Variants in TMTC1 observed in about 807,000 individuals in gnomAD.
TMTC1 encodes transmembrane O-mannosyltransferase targeting cadherins 1.
A neutral mutation model predicts 104.8 loss-of-function variants in TMTC1; 73 were observed. The ratio of observed to expected loss-of-function variants is 0.70; its 90% confidence interval spans 0.58 to 0.85. The LOEUF (loss-of-function observed/expected upper bound fraction) is 0.85, where lower values mean the gene tolerates loss of function less well. Among genes scored for constraint, TMTC1 ranks in the 40% least tolerant of loss-of-function variants. TMTC1 has a pLI of 0.00. For synonymous variants in TMTC1, 434 were observed against 428.7 expected, an observed-to-expected ratio of 1.01 and a Z score of -0.15; for missense variants, 1,035 against 1,096.1, an observed-to-expected ratio of 0.94 and a Z score of 0.79.
At chr12:29,646,186 C>T (rs74555676) in intron 5 of TMTC1, among the ~76,000 whole-genome samples, 6,295 of 152,276 alleles carry the variant, frequency 0.041, 170 homozygotes, top group Admixed American at 0.066. Context: ...ATCAGTGCAG[C>T]CCAGAAGAAC....
chr12:29,639,646 G>A (rs1938737487), intron 5 of TMTC1, among the ~76,000 whole-genome samples: 1 of 152,106 alleles, frequency 6.6e-6, no homozygotes. Flanking sequence ...CAACAGCATT[G>A]GACACAAGTG....
chr12:29,635,988 T>C (rs1453905747), intron 5 of TMTC1, among the ~76,000 whole-genome samples: 1 of 152,206 alleles, frequency 6.6e-6, no homozygotes, highest in African/African-American at 2.4e-5. Context: ...CAGAATAAAC[T>C]GAAATACTGA....
intron 5 of TMTC1, among the ~76,000 whole-genome samples, chr12:29,683,760 CTAAT>C: frequency 6.6e-6 from 1 of 152,012 alleles, no homozygotes. Flanking sequence ...ATAGACTCTC[CTAAT>C]TATTCAGAAG....
chr12:29,755,591 A>T (rs1943195456), intron 4 of TMTC1, 118 bp downstream of exon 4: 4 of 832,402 alleles, frequency 4.8e-6, no homozygotes, highest in African/African-American at 3.4e-5. Context: ...GTGACAGTCT[A>T]AGGTGAGATG....
At chr12:29,630,042 C>G (rs1418334294) in intron 6 of TMTC1, among the ~76,000 whole-genome samples, 1 of 152,132 alleles carries the variant, frequency 6.6e-6, no homozygotes, top group Non-Finnish European at 1.5e-5. Context: ...GTGAGTTTCA[C>G]TACCACAATC....
rs776599396 is a variant in TMTC1, at chr12:29,506,934, G to C, written c.2561C>G (p.Pro854Arg). The change falls in exon 18 of 18, where the codon CCA becomes CGA. Residue 854 changes from proline (P) to arginine (R), a missense_variant. Coordinates refer to ENST00000539277, the MANE Select transcript of TMTC1 (RefSeq NM_001193451.2). ...AYYERALQLV[P>R]DSKLLKENLA... is the part of the protein sequence containing the mutation. Reference sequence around the variant, plus strand: ...ATTTTCCTTCAGCAGTTTGCTGTCTGGAACCAGCTGTAAGGCTCTCTCATA... The same window carrying C: ...ATTTTCCTTCAGCAGTTTGCTGTCTCGAACCAGCTGTAAGGCTCTCTCATA... The C allele has an allele frequency of 6.8e-6, 11 of 1,613,874 alleles. No homozygotes were observed. The highest frequency in any genetic ancestry group is 1.7e-5 in the Admixed American group (1 of 59,986).
rs547739214 is a variant in TMTC1, at chr12:29,543,932, T to A, written c.1677-7615A>T. On this transcript the variant is annotated intron_variant, in intron 10 of 17. Transcript: ENST00000539277. ...GTGTGGAGGACACAGATTCATATTATGTGGTTAAAAGAATTTTAAAAAATA... is the reference window on the plus strand; with the variant it reads ...GTGTGGAGGACACAGATTCATATTAAGTGGTTAAAAGAATTTTAAAAAATA... Among the ~76,000 whole-genome samples the A allele has an allele frequency of 2.6e-5, 4 of 152,108 alleles. No individual in the cohort carries two copies. In the East Asian group the frequency reaches 7.7e-4, roughly 29 times the overall value.
At chr12:29,714,936 AGT>A (rs1301442351) in intron 5 of TMTC1, among the ~76,000 whole-genome samples, 8 of 152,216 alleles carry the variant, frequency 5.3e-5, no homozygotes, top group Admixed American at 2.0e-4. Flanking sequence ...AGCCATTTCT[AGT>A]TCTGTTTCCA....
intron 7 of TMTC1, among the ~76,000 whole-genome samples, chr12:29,586,015 T>C (rs527308717): frequency 6.6e-6 from 1 of 152,282 alleles, no homozygotes; most frequent in South Asian, 2.1e-4. Context: ...ATTGAATCTA[T>C]AAATTACCTT....
chr12:29,694,850 G>C (rs58519956), intron 5 of TMTC1, among the ~76,000 whole-genome samples: 1 of 152,094 alleles, frequency 6.6e-6, no homozygotes, highest in African/African-American at 2.4e-5. Flanking sequence ...TGGGGCAGGA[G>C]AATTGCTTGA....
chr12:29,740,448 C>T (rs1017492072), intron 5 of TMTC1, among the ~76,000 whole-genome samples: 17 of 152,136 alleles, frequency 1.1e-4, no homozygotes, highest in Non-Finnish European at 2.9e-5. Context: ...CATCTTTCTC[C>T]CATGCTGGAT....
At chr12:29,534,849 T>C (rs1417376535) in intron 11 of TMTC1, 1 of 152,140 alleles carries the variant, frequency 6.6e-6, no homozygotes. Flanking sequence ...TGGTGATAAA[T>C]ACTATAGGGA....
At chr12:29,733,994 T>C (rs754532411) in intron 5 of TMTC1, among the ~76,000 whole-genome samples, 1 of 152,196 alleles carries the variant, frequency 6.6e-6, no homozygotes, top group African/African-American at 2.4e-5. Context: ...ATCCAAGACT[T>C]TACTGGGGAA....
At chr12:29,743,058 A>G (rs149150270) in intron 5 of TMTC1, among the ~76,000 whole-genome samples, 1 of 152,384 alleles carries the variant, frequency 6.6e-6, no homozygotes, top group Non-Finnish European at 1.5e-5. Flanking sequence ...ATGAAAACCC[A>G]CAATTAAGAG....
At chr12:29,633,449 G>T in intron 5 of TMTC1, 113 bp from the exon 6 acceptor site, 1 of 862,256 alleles carries the variant, frequency 1.2e-6, no homozygotes. Context: ...ATGTTATCTT[G>T]GAGGAGAAGA....
intron 15 of TMTC1, among the ~76,000 whole-genome samples, chr12:29,515,575 C>T (rs183711089): frequency 2.6e-5 from 4 of 152,250 alleles, no homozygotes; most frequent in African/African-American, 9.6e-5. Flanking sequence ...CTCACCTCCA[C>T]ATCACTTTAC....
chr12:29,571,141 A>G (rs1357230458), intron 9 of TMTC1, among the ~76,000 whole-genome samples: 1 of 152,106 alleles, frequency 6.6e-6, no homozygotes, highest in Admixed American at 6.5e-5. Context: ...ATTCAACCAA[A>G]TGTAGGCAAC....
At chr12:29,643,489 A>C in intron 5 of TMTC1, among the ~76,000 whole-genome samples, 1 of 37,962 alleles carries the variant, frequency 2.6e-5, no homozygotes, top group East Asian at 6.1e-4. Context: ...AATATAAAAA[A>C]TATTATATAT....
chr12:29,542,184 T>G (rs76686894), intron 10 of TMTC1, among the ~76,000 whole-genome samples: 2,433 of 152,220 alleles, frequency 0.016, 68 homozygotes, highest in African/African-American at 0.055. Context: ...AACATCAGTA[T>G]ATATCCTGTC....
Sources: allele counts gnomAD v4.1 joint callset (sites outside exome capture counted in the v4.1 genomes callset), GRCh38; gene constraint gnomAD v4.1.1; transcripts MANE v1.5; gene names NCBI Gene and HGNC (gene_info 2026-07-23, HGNC 2026-07-21).